Variants in KHDRBS2 observed in about 807,000 individuals in gnomAD.
The protein encoded by KHDRBS2 is KH domain-containing, RNA-binding, signal transduction-associated protein 2.
A neutral mutation model predicts 44.3 loss-of-function variants in KHDRBS2; 26 were observed. That is an observed-to-expected ratio of 0.59 (90% confidence interval 0.43 to 0.81). The LOEUF (loss-of-function observed/expected upper bound fraction) is 0.81. Ranked by LOEUF, KHDRBS2 falls within the 40% of genes least tolerant of loss-of-function variation. The pLI, the probability that KHDRBS2 is intolerant of heterozygous loss-of-function variation, is 0.00. For synonymous variants in KHDRBS2, 194 were observed against 151.1 expected (o/e 1.28, Z -2.08); for missense variants, 476 against 433.1 (o/e 1.10, Z -0.88).
At chr6:62,123,115 T>C (rs1033568595) in intron 2 of KHDRBS2, among the ~76,000 whole-genome samples, 6 of 152,162 alleles carry the variant, frequency 3.9e-5, no homozygotes, top group African/African-American at 7.2e-5. Flanking sequence ...GTTCTCATTG[T>C]TCAACTCTCA....
intron 4 of KHDRBS2, among the ~76,000 whole-genome samples, chr6:61,956,855 C>A (rs144201372): frequency 2.0e-5 from 3 of 151,916 alleles, no homozygotes; most frequent in Admixed American, 6.6e-5. Context: ...TGAGTTAAGT[C>A]GCTTAGAATA....
chr6:61,719,056 A>G (rs368617906), intron 7 of KHDRBS2, among the ~76,000 whole-genome samples: 1 of 152,160 alleles, frequency 6.6e-6, no homozygotes, highest in Non-Finnish European at 1.5e-5. Flanking sequence ...TTGCTCTCCT[A>G]GTACATTCTC....
At chr6:62,181,904 C>T (rs1335638891) in intron 1 of KHDRBS2, among the ~76,000 whole-genome samples, 2 of 152,072 alleles carry the variant, frequency 1.3e-5, no homozygotes, top group Middle Eastern at 3.4e-3. Context: ...ATCCACAAAA[C>T]AGAAAGTGGG....
intron 7 of KHDRBS2, among the ~76,000 whole-genome samples, chr6:61,703,726 T>C (rs1286177454): frequency 1.3e-5 from 2 of 150,820 alleles, no homozygotes; most frequent in Non-Finnish European, 3.0e-5. Flanking sequence ...ATAACACACA[T>C]GTAGATATAT....
At chr6:62,018,796 T>C (rs901102715) in intron 3 of KHDRBS2, among the ~76,000 whole-genome samples, 2 of 152,222 alleles carry the variant, frequency 1.3e-5, no homozygotes, top group African/African-American at 4.8e-5. Flanking sequence ...TATCATTTAC[T>C]GATTTTCCCA....
At position 61,991,557 on chromosome 6, in the gene KHDRBS2, T is replaced by G. The variant is rs560052147; in HGVS notation, c.337-13345A>C. Among the ~76,000 whole-genome samples the G allele has an allele frequency of 8.5e-5, 13 of 152,258 alleles. No individual in the cohort carries two copies. The South Asian group carries it at 2.3e-3, about 27-fold the overall frequency. On this transcript the variant is annotated intron_variant, in intron 3 of 8. Transcript: ENST00000281156. The stretch of plus-strand genomic sequence containing the variant: ...TCTCAATAAAGTAATCTTCCCCCAG[T>G]AGATATTGCCAGAATCACTTCTGAG...
the KHDRBS2 span, among the ~76,000 whole-genome samples, chr6:61,610,961 G>T: frequency 3.3e-5 from 5 of 152,188 alleles, no homozygotes; most frequent in South Asian, 2.1e-4. Context: ...TAATACTGAA[G>T]AAGGCCCCTA....
intron 1 of KHDRBS2, among the ~76,000 whole-genome samples, chr6:62,255,488 A>G (rs1438793986): frequency 2.0e-5 from 3 of 151,924 alleles, no homozygotes; most frequent in African/African-American, 7.2e-5. Context: ...CAACTAGCCC[A>G]TGCACTAGCT....
intron 4 of KHDRBS2, among the ~76,000 whole-genome samples, chr6:61,944,902 C>T (rs1352013876): frequency 6.6e-6 from 1 of 151,080 alleles, no homozygotes; most frequent in Non-Finnish European, 1.5e-5. Context: ...ACCAGTCTGG[C>T]CAACATGAGG....
chr6:62,036,693 T>C (rs1269122226), intron 3 of KHDRBS2, among the ~76,000 whole-genome samples: 3 of 152,044 alleles, frequency 2.0e-5, no homozygotes, highest in African/African-American at 7.2e-5. Context: ...GAAAGCAAGC[T>C]GATTTCATAA....
Position 61,741,125 on chromosome 6 carries a change from C to T in KHDRBS2, c.811-8361G>A, listed in dbSNP as rs76936323. 1.9e-3 allele frequency among the ~76,000 whole-genome samples: 286 copies of T among 151,992 alleles called. 8 individuals are homozygous for T. In the East Asian group the frequency reaches 0.048, roughly 26 times the overall value. ...TATTTCTTGAAAGGCCTTATTAAAT[C>T]CCCATGCCAATGTTTTTTGTTTTTT... On this transcript the variant is annotated intron_variant, in intron 6 of 8. Transcript: ENST00000281156.
the KHDRBS2 span, among the ~76,000 whole-genome samples, chr6:61,598,424 C>T: frequency 6.6e-6 from 1 of 152,152 alleles, no homozygotes; most frequent in South Asian, 2.1e-4. Context: ...GAGGTACATC[C>T]CACATTTCTG....
In KHDRBS2 at chr6:62,071,756, G is replaced by C. The variant is rs561910747; in HGVS notation, c.220-23762C>G. Among the ~76,000 whole-genome samples, 10 of 152,276 alleles carry C rather than the reference G, an allele frequency of 6.6e-5. No individual in the cohort carries two copies. In the South Asian group the frequency reaches 2.1e-3, roughly 32 times the overall value. On this transcript the variant is annotated intron_variant, in intron 2 of 8. Coordinates refer to ENST00000281156, the MANE Select transcript of KHDRBS2 (RefSeq NM_152688.4). ...TTGGTTACTGTAGCCTTGTAGTATA[G>C]TTTGAAGTCAGGTAGCGTGATGCCT...
At chr6:62,118,767 TA>T (rs1197902909) in intron 2 of KHDRBS2, among the ~76,000 whole-genome samples, 1 of 152,208 alleles carries the variant, frequency 6.6e-6, no homozygotes, top group Non-Finnish European at 1.5e-5. Context: ...TTCCTGTCAC[TA>T]AAGGTCAGAC....
chr6:62,207,736 A>G (rs2150142710), intron 1 of KHDRBS2, among the ~76,000 whole-genome samples: 1 of 152,308 alleles, frequency 6.6e-6, no homozygotes, highest in East Asian at 1.9e-4. Flanking sequence ...TATTTTGAGA[A>G]GCATTCCATA....
At chr6:61,797,767 GTA>G (rs1245327262) in intron 6 of KHDRBS2, among the ~76,000 whole-genome samples, 48 of 147,040 alleles carry the variant, frequency 3.3e-4, no homozygotes, top group African/African-American at 1.2e-3. Flanking sequence ...GTGTGTGTAT[GTA>G]TATATATCGT....
intron 7 of KHDRBS2, among the ~76,000 whole-genome samples, chr6:61,721,173 T>G (rs565016327): frequency 6.0e-4 from 91 of 152,262 alleles, no homozygotes; most frequent in African/African-American, 2.0e-3. Context: ...GCTGTTTTGG[T>G]TACTGTAGCC....
chr6:62,204,377 G>A (rs546845300), intron 1 of KHDRBS2, among the ~76,000 whole-genome samples: 1 of 152,154 alleles, frequency 6.6e-6, no homozygotes, highest in East Asian at 1.9e-4. Context: ...TTTATGCAAT[G>A]AGGTAAACTG....
intron 6 of KHDRBS2, among the ~76,000 whole-genome samples, chr6:61,810,540 C>T (rs552124837): frequency 2.0e-5 from 3 of 151,412 alleles, no homozygotes; most frequent in East Asian, 3.9e-4. Flanking sequence ...ATAATGAAGC[C>T]TACAAATTTG....
Sources: allele counts gnomAD v4.1 joint callset (sites outside exome capture counted in the v4.1 genomes callset), GRCh38; gene constraint gnomAD v4.1.1; transcripts MANE v1.5; gene names NCBI Gene and HGNC (gene_info 2026-07-23, HGNC 2026-07-21).